The following AP3S1 variants were observed in gnomAD, a reference collection of about 807,000 sequenced individuals.
AP3S1 encodes AP-3 complex subunit sigma-1.
In AP3S1, 12 loss-of-function variants were observed where a neutral mutation model predicts 21.3. That is an observed-to-expected ratio of 0.56 (90% CI 0.36 to 0.91). The LOEUF (loss-of-function observed/expected upper bound fraction) is 0.91, where lower values mean the gene tolerates loss of function less well. Ranked by LOEUF, AP3S1 falls within the 40% of genes least tolerant of loss-of-function variation. The probability of loss-of-function intolerance (pLI) is 0.01; values close to 1 mark genes in which losing one functional copy is unlikely to be tolerated. For synonymous variants in AP3S1, 48 were observed against 78.4 expected (o/e 0.61, Z 2.05); for missense variants, 116 against 225.0 (o/e 0.52, Z 3.10).
At chr5:115,877,639 T>G (rs931170035) in intron 3 of AP3S1, among the ~76,000 whole-genome samples, 2 of 152,240 alleles carry the variant, frequency 1.3e-5, no homozygotes, top group Admixed American at 1.3e-4. Context: ...TTTGCTATTG[T>G]GAACGGTGCT....
chr5:115,865,946 G>A (rs1442282193), intron 1 of AP3S1, among the ~76,000 whole-genome samples: 2 of 152,100 alleles, frequency 1.3e-5, no homozygotes, highest in African/African-American at 4.8e-5. Flanking sequence ...TTACAGGCAC[G>A]TGCCACCACA....
At chr5:115,900,829 C>G (rs1478419019) in intron 4 of AP3S1, among the ~76,000 whole-genome samples, 1 of 152,160 alleles carries the variant, frequency 6.6e-6, no homozygotes, top group African/African-American at 2.4e-5. Flanking sequence ...ACAGCTGTTT[C>G]TGGATCTTGA....
chr5:115,906,099 A>C (rs1751629776), intron 5 of AP3S1, among the ~76,000 whole-genome samples: 1 of 152,222 alleles, frequency 6.6e-6, no homozygotes, highest in South Asian at 2.1e-4. Context: ...CGGAGGTTGC[A>C]GTGAGCTGAT....
chr5:115,909,138 G>C (rs1375310565), intron 5 of AP3S1: 2 of 284,856 alleles, frequency 7.0e-6, no homozygotes, highest in Non-Finnish European at 1.1e-5. Context: ...TTATGTCTTA[G>C]ATGAAATAAA....
Position 115,866,863 on chromosome 5 carries a change from T to C in AP3S1, c.161+102T>C, listed in dbSNP as rs1763662977. The C allele has an allele frequency of 2.4e-5, 14 of 586,004 alleles. 1 individual carries two copies. In the South Asian group the frequency reaches 9.0e-4, roughly 38 times the overall value. 36.3% of individuals were successfully genotyped at this position (586,004 alleles called of 1,614,324 possible). A position where few individuals can be genotyped will look rare whatever the true frequency, so the allele number is the denominator to read the frequency against. On this transcript the variant is annotated intron_variant, in intron 2 of 5. Transcript: ENST00000316788. ...TAAAAGTTTTCTACTTTTGATTAAT[T>C]GGATTAGGTGAATTAATTGCCACCT...
At chr5:115,887,822 A>G (rs1396262529) in intron 3 of AP3S1, among the ~76,000 whole-genome samples, 1 of 152,088 alleles carries the variant, frequency 6.6e-6, no homozygotes, top group Non-Finnish European at 1.5e-5. Flanking sequence ...CTGTCATATA[A>G]TAGATACCTG....
At chr5:115,885,555 C>G (rs1749707328) in intron 3 of AP3S1, among the ~76,000 whole-genome samples, 1 of 152,198 alleles carries the variant, frequency 6.6e-6, no homozygotes, top group African/African-American at 2.4e-5. Context: ...CTTTTGCCTG[C>G]TTTGTTCTAG....
chr5:115,845,561 C>T (rs1015956011), intron 1 of AP3S1, among the ~76,000 whole-genome samples: 10 of 152,004 alleles, frequency 6.6e-5, no homozygotes, highest in African/African-American at 1.9e-4. Flanking sequence ...GGGCTGGGTG[C>T]CATGGCTCAT....
At chr5:115,863,962 C>A (rs542159853) in intron 1 of AP3S1, among the ~76,000 whole-genome samples, 1 of 152,200 alleles carries the variant, frequency 6.6e-6, no homozygotes, top group African/African-American at 2.4e-5. Context: ...AAGATGTCTG[C>A]CTGAACAGAT....
intron 5 of AP3S1, among the ~76,000 whole-genome samples, chr5:115,904,532 T>C (rs1190361117): frequency 6.6e-6 from 1 of 152,194 alleles, no homozygotes; most frequent in Non-Finnish European, 1.5e-5. Context: ...GAGAAGTTTA[T>C]AGTGGTGATT....
At chr5:115,876,480 A>G (rs760637956) in intron 3 of AP3S1, among the ~76,000 whole-genome samples, 1 of 152,300 alleles carries the variant, frequency 6.6e-6, no homozygotes, top group Non-Finnish European at 1.5e-5. Context: ...TCAGGAAGGA[A>G]TTGGACATGG....
intron 1 of AP3S1, among the ~76,000 whole-genome samples, chr5:115,856,909 C>T (rs1013003728): frequency 6.6e-6 from 1 of 152,114 alleles, no homozygotes; most frequent in African/African-American, 2.4e-5. Flanking sequence ...AAAACTTATT[C>T]CTCCAGTCTG....
intron 1 of AP3S1, among the ~76,000 whole-genome samples, chr5:115,863,856 T>C (rs971799547): frequency 6.6e-6 from 1 of 152,048 alleles, no homozygotes; most frequent in Non-Finnish European, 1.5e-5. Context: ...GAGGTTTGAG[T>C]TTAAAAATGT....
intron 1 of AP3S1, chr5:115,853,094 ATGTC>A (rs1762557585): frequency 2.3e-6 from 1 of 432,342 alleles, no homozygotes; most frequent in South Asian, 1.7e-5. Context: ...CCCACCAACA[ATGTC>A]TGAGGGCTCC....
chr5:115,875,571 A>C (rs548146695), intron 3 of AP3S1, among the ~76,000 whole-genome samples: 2 of 151,884 alleles, frequency 1.3e-5, no homozygotes, highest in African/African-American at 2.4e-5. Context: ...GGAATTTGCA[A>C]CTCTCCTGTT....
chr5:115,863,157 T>G (rs548535357), intron 1 of AP3S1, among the ~76,000 whole-genome samples: 4 of 152,058 alleles, frequency 2.6e-5, no homozygotes, highest in Admixed American at 6.5e-5. Context: ...CCTAGCACTT[T>G]GGGAGACCGA....
intron 1 of AP3S1, among the ~76,000 whole-genome samples, chr5:115,852,608 G>A (rs906915680): frequency 6.6e-6 from 1 of 151,918 alleles, no homozygotes; most frequent in African/African-American, 2.4e-5. Flanking sequence ...GTAACTATTA[G>A]CAGTCACTTT....
chr5:115,889,860 A>C (rs1750132790), intron 3 of AP3S1, among the ~76,000 whole-genome samples: 1 of 152,196 alleles, frequency 6.6e-6, no homozygotes, highest in Admixed American at 6.5e-5. Context: ...AATCTTGAAC[A>C]GGCATTATGA....
At chr5:115,904,947 C>A (rs1242543980) in intron 5 of AP3S1, among the ~76,000 whole-genome samples, 1 of 152,088 alleles carries the variant, frequency 6.6e-6, no homozygotes, top group Non-Finnish European at 1.5e-5. Flanking sequence ...GACCAGTTGT[C>A]TGGAATTTTC....
Sources: allele counts gnomAD v4.1 joint callset (sites outside exome capture counted in the v4.1 genomes callset), GRCh38; gene constraint gnomAD v4.1.1; transcripts MANE v1.5; gene names NCBI Gene and HGNC (gene_info 2026-07-23, HGNC 2026-07-21).